The following SVOPL variants were observed in gnomAD, a reference collection of about 807,000 sequenced individuals.
The protein encoded by SVOPL is SVOP like, also known as putative transporter SVOPL.
In SVOPL, 60 loss-of-function variants were observed where a neutral mutation model predicts 61.0. The observed-to-expected ratio is 0.98, with a 90% CI of 0.80 to 1.22. The LOEUF is 1.22. Ranked by LOEUF, SVOPL falls within the 50% of genes most tolerant of loss-of-function variation. The pLI, the probability that SVOPL is intolerant of heterozygous loss-of-function variation, is 0.00. For synonymous variants in SVOPL, 279 were observed against 250.0 expected, an observed-to-expected ratio of 1.12 and a Z score of -1.09; for missense variants, 662 against 643.9, an observed-to-expected ratio of 1.03 and a Z score of -0.30.
intron 9 of SVOPL, among the ~76,000 whole-genome samples, chr7:138,633,383 G>A (rs1318908640): frequency 3.3e-5 from 5 of 152,080 alleles, no homozygotes; most frequent in Admixed American, 1.3e-4. Context: ...CTGCAGTAAC[G>A]AGTGAGTTCT....
intron 4 of SVOPL, among the ~76,000 whole-genome samples, chr7:138,671,424 T>G (rs1321380790): frequency 6.6e-6 from 1 of 152,244 alleles, no homozygotes; most frequent in African/African-American, 2.4e-5. Context: ...CTTGGCTCAC[T>G]GCAACCTCCT....
Position 138,663,164 on chromosome 7 carries a change from T to C in SVOPL, c.274-19A>G, listed in dbSNP as rs201378391. On this transcript the variant is annotated intron_variant, in intron 4 of 15. Transcript: ENST00000674285. ...ACACCATCTGCAAGTGGGAGCGAGA[T>C]AAAACGGTTCTCTAAGCAGGTTTTA... 1,129 of 1,610,916 alleles carry C rather than the reference T, an allele frequency of 7.0e-4. 1 individual carries two copies. Among genetic ancestry groups the C allele is most frequent in the African/African-American group, 5.5e-3 (415 of 75,026 alleles).
At chr7:138,688,628 T>A (rs1025916476) in intron 1 of SVOPL, among the ~76,000 whole-genome samples, 1 of 152,150 alleles carries the variant, frequency 6.6e-6, no homozygotes, top group Non-Finnish European at 1.5e-5. Context: ...ATTATTTTTT[T>A]AAAAAGGCAG....
chr7:138,677,999 C>T (rs964437846), intron 3 of SVOPL, among the ~76,000 whole-genome samples: 2 of 152,116 alleles, frequency 1.3e-5, no homozygotes, highest in Non-Finnish European at 2.9e-5. Context: ...CTCCTGACCT[C>T]AGGTGATCCA....
At chr7:138,654,264 AG>A in intron 7 of SVOPL, among the ~76,000 whole-genome samples, 1 of 152,222 alleles carries the variant, frequency 6.6e-6, no homozygotes, top group Non-Finnish European at 1.5e-5. Flanking sequence ...CAAAATAGCT[AG>A]AAGAGAATAA....
intron 9 of SVOPL, among the ~76,000 whole-genome samples, chr7:138,630,411 C>A (rs377671293): frequency 6.6e-6 from 1 of 152,002 alleles, no homozygotes; most frequent in South Asian, 2.1e-4. Context: ...AGCACTGGCG[C>A]GGGGGTGGGG....
chr7:138,654,502 T>TTC (rs1299744049), intron 7 of SVOPL, among the ~76,000 whole-genome samples: 3 of 145,592 alleles, frequency 2.1e-5, no homozygotes, highest in Non-Finnish European at 4.5e-5. Flanking sequence ...CTGAGTTTGT[T>TTC]TTTTTTTTTT....
intron 7 of SVOPL, 103 bp downstream of exon 7, chr7:138,656,344 TG>T: frequency 8.8e-7 from 1 of 1,141,074 alleles, no homozygotes; most frequent in Non-Finnish European, 1.3e-6. Context: ...CTCGCTTAAT[TG>T]CAGCGAGCTG....
intron 14 of SVOPL, among the ~76,000 whole-genome samples, chr7:138,617,209 A>G (rs1368135726): frequency 6.6e-6 from 1 of 152,092 alleles, no homozygotes; most frequent in Non-Finnish European, 1.5e-5. Flanking sequence ...GCCTCATGTG[A>G]TCTGTCCACC....
intron 10 of SVOPL, among the ~76,000 whole-genome samples, chr7:138,628,766 G>A (rs112708886): frequency 3.0e-4 from 45 of 152,266 alleles, no homozygotes; most frequent in African/African-American, 1.1e-3. Flanking sequence ...ATGGTATCTT[G>A]TTGGGTTTTA....
chr7:138,658,206 A>T (rs751605155), intron 6 of SVOPL, among the ~76,000 whole-genome samples: 5 of 152,110 alleles, frequency 3.3e-5, no homozygotes, highest in Non-Finnish European at 7.4e-5. Context: ...CTGGGAATGC[A>T]GCCCAGCAAG....
intron 4 of SVOPL, among the ~76,000 whole-genome samples, chr7:138,666,067 T>G (rs1289285074): frequency 6.6e-6 from 1 of 152,232 alleles, no homozygotes; most frequent in Non-Finnish European, 1.5e-5. Context: ...ACCCAGCCTG[T>G]TCTACCTCGG....
chr7:138,666,866 A>T (rs989830482), intron 4 of SVOPL, among the ~76,000 whole-genome samples: 3 of 152,192 alleles, frequency 2.0e-5, no homozygotes, highest in Non-Finnish European at 1.5e-5. Context: ...CCAAATATGT[A>T]TGATGCCAGC....
chr7:138,682,750 C>A (rs1218802671), intron 1 of SVOPL, among the ~76,000 whole-genome samples: 1 of 151,994 alleles, frequency 6.6e-6, no homozygotes, highest in South Asian at 2.1e-4. Context: ...GGGTGGATCA[C>A]CTGAGGTCAG....
intron 3 of SVOPL, among the ~76,000 whole-genome samples, chr7:138,678,191 C>G (rs975774308): frequency 6.6e-6 from 1 of 152,104 alleles, no homozygotes; most frequent in African/African-American, 2.4e-5. Flanking sequence ...CCTCCCCCAC[C>G]ACTCCTGTTT....
chr7:138,699,798 G>A (rs143242460), intron 1 of SVOPL, among the ~76,000 whole-genome samples: 65 of 152,266 alleles, frequency 4.3e-4, no homozygotes, highest in Non-Finnish European at 6.5e-4. Flanking sequence ...CCCTCGCCCC[G>A]CCACCGGAAC....
intron 9 of SVOPL, among the ~76,000 whole-genome samples, chr7:138,634,344 A>G (rs1331289310): frequency 6.6e-6 from 1 of 152,050 alleles, no homozygotes; most frequent in Non-Finnish European, 1.5e-5. Context: ...CATCTCTATG[A>G]AAAAATAAGA....
intron 7 of SVOPL, 59 bp from the exon 8 acceptor site, chr7:138,649,196 A>G: frequency 7.2e-6 from 11 of 1,537,192 alleles, no homozygotes; most frequent in Non-Finnish European, 9.6e-6. Flanking sequence ...ATGAAAAAAA[A>G]AAAGGAAAAA....
At chr7:138,604,677 C>CAAAAAAAAAAAAAAAAAAAAAATTAAAAA in intron 14 of SVOPL, among the ~76,000 whole-genome samples, 1 of 58,814 alleles carries the variant, frequency 1.7e-5, no homozygotes, top group East Asian at 4.8e-4. Flanking sequence ...AACTTTATCT[C>CAAAAAAAAAAAAAAAAAAAAAATTAAAAA]AAAAAAAAAA....
Sources: gnomAD v4.1 joint callset for allele counts (sites outside exome capture counted in the v4.1 genomes callset) on GRCh38, gnomAD v4.1.1 for gene constraint, MANE v1.5 for transcripts, NCBI Gene and HGNC (gene_info 2026-07-23, HGNC 2026-07-21) for gene names.